PCDH15: variants seen among roughly 807,000 people sequenced by gnomAD.
The protein encoded by PCDH15 is protocadherin-15.
Under a neutral mutation model 178.5 loss-of-function variants are expected in PCDH15, and 129 were observed. The ratio of observed to expected loss-of-function variants is 0.72; its 90% confidence interval spans 0.63 to 0.84. The LOEUF (loss-of-function observed/expected upper bound fraction) is 0.84, where lower values mean the gene tolerates loss of function less well. Among genes scored for constraint, PCDH15 ranks in the 40% least tolerant of loss-of-function variants. PCDH15 has a pLI of 0.00. For missense variants in PCDH15, 2,230 were observed against 2,099.9 expected (o/e 1.06, Z -1.21); for synonymous variants, 800 against 732.0 (o/e 1.09, Z -1.50).
intron 20 of PCDH15, among the ~76,000 whole-genome samples, chr10:54,002,534 C>T (rs1437071923): frequency 2.0e-5 from 3 of 152,104 alleles, no homozygotes; most frequent in Non-Finnish European, 4.4e-5. Flanking sequence ...TCAATAACAA[C>T]ATAAATTTTG....
intron 1 of PCDH15, among the ~76,000 whole-genome samples, chr10:55,293,699 G>A (rs1339646088): frequency 6.6e-6 from 1 of 152,144 alleles, no homozygotes; most frequent in Non-Finnish European, 1.5e-5. Flanking sequence ...CATAACAAGA[G>A]TTACCTTTGC....
At chr10:55,433,615 C>T (rs1415654154) in intron 2 of PCDH15, among the ~76,000 whole-genome samples, 1 of 152,134 alleles carries the variant, frequency 6.6e-6, no homozygotes, top group African/African-American at 2.4e-5. Context: ...GAGACATTTT[C>T]TGTTTTGTGT....
Position 54,207,353 on chromosome 10 carries a change from A to G in PCDH15, c.1098+6583T>C, listed in dbSNP as rs115020730. On this transcript the variant is annotated intron_variant, in intron 10 of 37. Transcript: ENST00000644397. ...GTGTTCTTTCTGAAGAAACACAAAT[A>G]CTGTTTTGTTTTGTGTGTGTGTGTA... 6.4e-3 allele frequency among the ~76,000 whole-genome samples: 935 copies of G among 146,706 alleles called. 9 individuals carry two copies. The highest frequency in any genetic ancestry group is 0.02 in the African/African-American group (770 of 39,128).
chr10:54,664,598 G>T (rs1470192098), intron 1 of PCDH15, among the ~76,000 whole-genome samples: 1 of 152,016 alleles, frequency 6.6e-6, no homozygotes, highest in Non-Finnish European at 1.5e-5. Flanking sequence ...TTATGGGTAA[G>T]TCCAATGTTA....
intron 10 of PCDH15, among the ~76,000 whole-genome samples, chr10:54,208,002 A>G (rs916172521): frequency 2.6e-5 from 4 of 152,074 alleles, no homozygotes; most frequent in African/African-American, 7.2e-5. Context: ...AAGCCAGTTG[A>G]TAACATCCCC....
intron 2 of PCDH15, among the ~76,000 whole-genome samples, chr10:54,964,190 G>T (rs1430053042): frequency 6.6e-6 from 1 of 152,120 alleles, no homozygotes; most frequent in African/African-American, 2.4e-5. Context: ...AAGACAAATG[G>T]AACTTTTTCA....
At chr10:55,372,820 A>T (rs1428888576) in intron 2 of PCDH15, among the ~76,000 whole-genome samples, 1 of 152,188 alleles carries the variant, frequency 6.6e-6, no homozygotes, top group African/African-American at 2.4e-5. Flanking sequence ...GTACTAGACA[A>T]GCAATGGATT....
intron 2 of PCDH15, among the ~76,000 whole-genome samples, chr10:55,435,844 T>G (rs983749547): frequency 4.6e-5 from 7 of 152,166 alleles, no homozygotes; most frequent in African/African-American, 1.7e-4. Flanking sequence ...TTTTTAATTC[T>G]GTAAAATAAT....
intron 1 of PCDH15, among the ~76,000 whole-genome samples, chr10:54,763,515 T>C (rs1313645194): frequency 6.6e-6 from 1 of 151,996 alleles, no homozygotes; most frequent in African/African-American, 2.4e-5. Flanking sequence ...AACATACAGT[T>C]AGGTAGAAGA....
chr10:54,992,611 C>T (rs1430630656), intron 2 of PCDH15, among the ~76,000 whole-genome samples: 8 of 151,920 alleles, frequency 5.3e-5, no homozygotes, highest in African/African-American at 1.9e-4. Flanking sequence ...AAAAATTAGC[C>T]GGGCGTGGTG....
intron 2 of PCDH15, among the ~76,000 whole-genome samples, chr10:54,661,641 G>A (rs181884042): frequency 6.6e-6 from 1 of 151,920 alleles, no homozygotes; most frequent in East Asian, 1.9e-4. Flanking sequence ...CACATTATCT[G>A]ACTTTATACT....
intron 2 of PCDH15, among the ~76,000 whole-genome samples, chr10:54,600,926 C>T (rs1451931993): frequency 6.6e-6 from 1 of 151,934 alleles, no homozygotes; most frequent in African/African-American, 2.4e-5. Flanking sequence ...AAGGGGGTCA[C>T]TCAGAAGGGG....
chr10:55,117,287 G>T (rs1837650964), intron 2 of PCDH15, among the ~76,000 whole-genome samples: 1 of 152,160 alleles, frequency 6.6e-6, no homozygotes, highest in Non-Finnish European at 1.5e-5. Flanking sequence ...TGAATCTGCA[G>T]AGTAACCAGC....
At chr10:53,896,769 C>T (rs955670893) in intron 26 of PCDH15, among the ~76,000 whole-genome samples, 24 of 152,088 alleles carry the variant, frequency 1.6e-4, no homozygotes, top group Non-Finnish European at 1.8e-4. Flanking sequence ...TAAACCCTAT[C>T]GTGACCTGCG....
At chr10:54,800,642 A>T (rs1591704233) in intron 1 of PCDH15, among the ~76,000 whole-genome samples, 1 of 152,308 alleles carries the variant, frequency 6.6e-6, no homozygotes, top group East Asian at 1.9e-4. Context: ...AACAAACCAG[A>T]GTTATAATTC....
intron 21 of PCDH15, among the ~76,000 whole-genome samples, chr10:53,990,220 G>A (rs144854263): frequency 1.3e-5 from 2 of 152,096 alleles, no homozygotes; most frequent in East Asian, 3.9e-4. Flanking sequence ...AAACCCCTTT[G>A]CAAATAATTC....
chr10:53,950,179 T>C (rs951775510), intron 23 of PCDH15, among the ~76,000 whole-genome samples: 3 of 151,970 alleles, frequency 2.0e-5, no homozygotes, highest in African/African-American at 7.2e-5. Flanking sequence ...ATTTGATATA[T>C]TAAATTTTAA....
chr10:54,062,265 A>G (rs1283408005), intron 18 of PCDH15, among the ~76,000 whole-genome samples: 1 of 145,730 alleles, frequency 6.9e-6, no homozygotes, highest in Non-Finnish European at 1.5e-5. Context: ...AAAAACAACT[A>G]AATGAAAACT....
At chr10:55,010,929 C>T (rs1246259039) in intron 2 of PCDH15, among the ~76,000 whole-genome samples, 1 of 151,956 alleles carries the variant, frequency 6.6e-6, no homozygotes, top group Admixed American at 6.6e-5. Flanking sequence ...ATAGGAAAAC[C>T]CATTCAAATA....
Sources: gnomAD v4.1 joint callset for allele counts (sites outside exome capture counted in the v4.1 genomes callset) on GRCh38, gnomAD v4.1.1 for gene constraint, MANE v1.5 for transcripts, NCBI Gene and HGNC (gene_info 2026-07-23, HGNC 2026-07-21) for gene names.